GPR139: variants seen among roughly 807,000 people sequenced by gnomAD.
GPR139 encodes G protein-coupled receptor 139.
Under a neutral mutation model 25.8 loss-of-function variants are expected in GPR139, and 12 were observed. The observed-to-expected ratio is 0.47, with a 90% confidence interval of 0.30 to 0.75. The LOEUF (loss-of-function observed/expected upper bound fraction) is 0.75, where lower values mean the gene tolerates loss of function less well. GPR139 is among the 30% of genes least tolerant of loss of function. The pLI, the probability that GPR139 is intolerant of heterozygous loss-of-function variation, is 0.07. For missense variants in GPR139, 380 were observed against 450.2 expected, an observed-to-expected ratio of 0.84 and a Z score of 1.41; for synonymous variants, 184 against 179.9, an observed-to-expected ratio of 1.02 and a Z score of -0.18.
chr16:20,041,411 A>G (rs1359894752), intron 1 of GPR139, among the ~76,000 whole-genome samples: 3 of 151,444 alleles, frequency 2.0e-5, no homozygotes, highest in Non-Finnish European at 4.4e-5. Flanking sequence ...TTTTAGGAAG[A>G]TCAATTTCTA....
rs760421881 is a variant in GPR139 at position 20,073,642 on chromosome 16, G to T, written c.-26C>A. 5 of 1,545,290 alleles carry T rather than the reference G, an allele frequency of 3.2e-6. No homozygotes were observed. The highest frequency in any genetic ancestry group is 4.4e-6 in the Non-Finnish European group (5 of 1,143,980). On this transcript the variant is annotated 5_prime_UTR_variant, in exon 1 of 2. Coordinates refer to ENST00000570682, the MANE Select transcript of GPR139 (RefSeq NM_001002911.4). This position sits in a 1 kb window ranked among gnomAD's most constrained non-coding sequence, Gnocchi z 4.7. The stretch of plus-strand genomic sequence containing the variant: ...GAGCGCGCCCCTCGCTCCCCTTGCC[G>T]CTTCGCGCCCGGCCTGCCAGCCCGA...
Position 20,031,633 on chromosome 16 carries a change from A to G in GPR139, c.*102T>C, listed in dbSNP as rs1299922926. 1.3e-5 allele frequency: 11 copies of G among 851,592 alleles called. No homozygotes were observed. The highest frequency in any genetic ancestry group is 2.1e-5 in the Non-Finnish European group (11 of 520,776). The allele number at this position is 851,592 out of a possible 1,614,324, so 52.8% of individuals were successfully genotyped here. ...TTGCCCAGTCTGCGGGAGACAGGAA[A>G]TCGGATTAGCACTCTTAAGGAGAGC... On this transcript the variant is annotated 3_prime_UTR_variant, in exon 2 of 2. Transcript: ENST00000570682.
In GPR139 at chr16:20,055,755, C is replaced by T. The variant is rs114259628; in HGVS notation, c.127+17735G>A. ...GCTTAGAACCAGAGAACTTCCTTCC[C>T]AAAAACACTATTAAAATCCTCACCT... On this transcript the variant is annotated intron_variant, in intron 1 of 1. Coordinates refer to ENST00000570682, the MANE Select transcript of GPR139 (RefSeq NM_001002911.4). 4.6e-3 allele frequency among the ~76,000 whole-genome samples: 695 copies of T among 152,268 alleles called. 4 individuals carry two copies. Among genetic ancestry groups the T allele is most frequent in the African/African-American group, 0.015 (629 of 41,566 alleles).
At chr16:20,067,611 C>G (rs746531316) in intron 1 of GPR139, among the ~76,000 whole-genome samples, 1 of 151,898 alleles carries the variant, frequency 6.6e-6, no homozygotes, top group Non-Finnish European at 1.5e-5. Context: ...TTGAGACCAG[C>G]CTGACCAATG....
intron 1 of GPR139, among the ~76,000 whole-genome samples, chr16:20,034,430 G>C (rs563494679): frequency 1.3e-5 from 2 of 152,332 alleles, no homozygotes; most frequent in South Asian, 4.1e-4. Context: ...AGTCTCCTCT[G>C]AAGAAGCTCT....
chr16:20,060,977 C>G (rs1182114680), intron 1 of GPR139, among the ~76,000 whole-genome samples: 3 of 152,188 alleles, frequency 2.0e-5, no homozygotes, highest in Non-Finnish European at 2.9e-5. Context: ...TAGGCTCTCA[C>G]AGCACCAAGT....
intron 1 of GPR139, among the ~76,000 whole-genome samples, chr16:20,053,968 A>G (rs968682626): frequency 5.3e-5 from 8 of 152,126 alleles, no homozygotes; most frequent in Non-Finnish European, 8.8e-5. Context: ...GTAAGATCAC[A>G]TCCAGAAAAT....
chr16:20,055,112 C>CGTCT (rs781534164), intron 1 of GPR139, among the ~76,000 whole-genome samples: 6 of 149,090 alleles, frequency 4.0e-5, no homozygotes, highest in Non-Finnish European at 3.0e-5. Context: ...CACCCTCCAC[C>CGTCT]GTCTGATAGG....
intron 1 of GPR139, among the ~76,000 whole-genome samples, chr16:20,042,419 A>G (rs2057339539): frequency 6.6e-6 from 1 of 152,164 alleles, no homozygotes; most frequent in South Asian, 2.1e-4. Flanking sequence ...CATTCCAGGC[A>G]CTAACAACCC....
rs2057470137 is a variant in GPR139, at chr16:20,073,801, G to A, written c.-185C>T. On this transcript the variant is annotated 5_prime_UTR_variant, in exon 1 of 2. Transcript: ENST00000570682. This position sits in a 1 kb window ranked among gnomAD's most constrained non-coding sequence, Gnocchi z 4.7. ...CTCGCTCCGCACCTGCCCGCCTGGA[G>A]TCTTGGCTCAGCCCTCCCGCAGGGC... The A allele has an allele frequency of 1.3e-6, 1 of 750,756 alleles. No individual in the cohort carries two copies. The highest frequency in any genetic ancestry group is 2.0e-6 in the Non-Finnish European group (1 of 507,016). The allele number at this position is 750,756 out of a possible 1,614,324, so 46.5% of individuals were successfully genotyped here.
intron 1 of GPR139, among the ~76,000 whole-genome samples, chr16:20,071,578 TC>T (rs2057459473): frequency 1.3e-5 from 2 of 152,180 alleles, no homozygotes; most frequent in African/African-American, 2.4e-5. Context: ...TAAATCCTAA[TC>T]CTAGCTTCAT....
chr16:20,070,062 G>A (rs928431085), intron 1 of GPR139, among the ~76,000 whole-genome samples: 1 of 152,198 alleles, frequency 6.6e-6, no homozygotes, highest in Non-Finnish European at 1.5e-5. Flanking sequence ...CAACTGCCTG[G>A]CATTAATGAA....
chr16:20,052,451 T>C (rs1429230855), intron 1 of GPR139, among the ~76,000 whole-genome samples: 1 of 152,244 alleles, frequency 6.6e-6, no homozygotes, highest in Non-Finnish European at 1.5e-5. Context: ...CTGCTGCTGA[T>C]GAGACACGAT....
chr16:20,067,124 C>T (rs982994758), intron 1 of GPR139, among the ~76,000 whole-genome samples: 2 of 152,196 alleles, frequency 1.3e-5, no homozygotes, highest in African/African-American at 4.8e-5. Context: ...GTATTTTACA[C>T]TCAATCTCAC....
At position 20,030,662 on chromosome 16, in the gene GPR139, G is replaced by A. The variant is rs1206303246; in HGVS notation, c.*1073C>T. ...GTCAGCATGGGCACCTTTTGTGTCT[G>A]CGTTTGTGGCGAAATGGCAGCGCCA... On this transcript the variant is annotated 3_prime_UTR_variant, in exon 2 of 2. Transcript: ENST00000570682. Among the ~76,000 whole-genome samples, 1 of 152,268 alleles carries A rather than the reference G, an allele frequency of 6.6e-6. No homozygotes were observed. The highest frequency in any genetic ancestry group is 1.5e-5 in the Non-Finnish European group (1 of 68,054).
chr16:20,059,884 C>T (rs984049419), intron 1 of GPR139, among the ~76,000 whole-genome samples: 3 of 152,174 alleles, frequency 2.0e-5, no homozygotes, highest in East Asian at 1.9e-4. Context: ...ATCCCTAAAC[C>T]GTTGTTGCCT....
intron 1 of GPR139, among the ~76,000 whole-genome samples, chr16:20,049,703 C>T (rs1051639275): frequency 6.6e-6 from 1 of 152,150 alleles, no homozygotes; most frequent in East Asian, 1.9e-4. Flanking sequence ...GGTTGAATTC[C>T]AGGTTTGCTG....
At chr16:20,034,405 T>C (rs1442142801) in intron 1 of GPR139, among the ~76,000 whole-genome samples, 1 of 152,254 alleles carries the variant, frequency 6.6e-6, no homozygotes, top group Non-Finnish European at 1.5e-5. Flanking sequence ...GAAATGACAC[T>C]ATAGATACAG....
chr16:20,045,157 G>A (rs183041800), intron 1 of GPR139, among the ~76,000 whole-genome samples: 287 of 151,980 alleles, frequency 1.9e-3, no homozygotes, highest in African/African-American at 6.4e-3. Context: ...CTGCCACCAC[G>A]CTCAGCTAAT....
Sources: gnomAD v4.1 joint callset for allele counts (sites outside exome capture counted in the v4.1 genomes callset) on GRCh38, gnomAD v4.1.1 for gene constraint, Gnocchi (gnomAD v3.1) non-coding constraint, MANE v1.5 for transcripts, NCBI Gene and HGNC (gene_info 2026-07-23, HGNC 2026-07-21) for gene names.